SYT1: variants seen among roughly 807,000 people sequenced by gnomAD.
SYT1 encodes synaptotagmin-1.
In SYT1, 8 loss-of-function variants were observed where a neutral mutation model predicts 44.8. The observed-to-expected ratio is 0.18, with a 90% CI of 0.10 to 0.32. The LOEUF (loss-of-function observed/expected upper bound fraction) is 0.32, where lower values mean the gene tolerates loss of function less well. SYT1 is among the 10% of genes least tolerant of loss of function. The pLI is 1.00. For synonymous variants in SYT1, 154 were observed against 188.8 expected (o/e 0.82, Z 1.51); for missense variants, 286 against 509.3 (o/e 0.56, Z 4.22).
intron 1 of SYT1, among the ~76,000 whole-genome samples, chr12:78,914,623 A>G (rs1360169963): frequency 1.3e-5 from 2 of 151,468 alleles, no homozygotes; most frequent in East Asian, 3.9e-4. Context: ...TCATTTACAT[A>G]AGTTTAAATA....
At chr12:79,386,399 C>T (rs922673961) in intron 9 of SYT1, among the ~76,000 whole-genome samples, 2 of 151,174 alleles carry the variant, frequency 1.3e-5, no homozygotes, top group Non-Finnish European at 2.9e-5. Context: ...ATGTGCACAA[C>T]GTGCAGGTTT....
At chr12:79,126,543 G>A (rs1160201537) in intron 3 of SYT1, among the ~76,000 whole-genome samples, 1 of 152,176 alleles carries the variant, frequency 6.6e-6, no homozygotes, top group Non-Finnish European at 1.5e-5. Context: ...ATAGGCGTGA[G>A]CCACCATACC....
At chr12:79,236,701 A>T (rs913883204) in intron 4 of SYT1, among the ~76,000 whole-genome samples, 1 of 152,226 alleles carries the variant, frequency 6.6e-6, no homozygotes, top group African/African-American at 2.4e-5. Flanking sequence ...AGGAGAAAAC[A>T]GTCAACAAAT....
At chr12:78,991,225 A>G (rs775349564) in intron 2 of SYT1, among the ~76,000 whole-genome samples, 10 of 152,130 alleles carry the variant, frequency 6.6e-5, no homozygotes, top group Non-Finnish European at 1.0e-4. Context: ...ACATTAAAAG[A>G]ACCCCTGAGA....
At chr12:79,123,986 A>G (rs1868329678) in intron 3 of SYT1, among the ~76,000 whole-genome samples, 1 of 152,206 alleles carries the variant, frequency 6.6e-6, no homozygotes, top group Admixed American at 6.5e-5. Flanking sequence ...GTTTTTGGCT[A>G]ACATTTATCA....
rs533746246 is a variant in SYT1, at chr12:78,980,507, A to AAGATTGT, written c.-84+2578_-84+2584dup. On this transcript the variant is annotated intron_variant, in intron 2 of 10. Transcript: ENST00000261205. ...ATTCTTTTGTTTTCAGCTAGTTTTGAAGATTGTATTTAGATTATGGACAGA... is the reference window on the plus strand; with the variant it reads ...ATTCTTTTGTTTTCAGCTAGTTTTGAAGATTGTAGATTGTATTTAGATTATGGACAGA... Among the ~76,000 whole-genome samples the AAGATTGT allele has an allele frequency of 1.1e-3, 163 of 152,256 alleles. 1 individual carries two copies. Among genetic ancestry groups the AAGATTGT allele is most frequent in the African/African-American group, 3.8e-3 (156 of 41,560 alleles).
chr12:79,216,349 C>A (rs1222921386), intron 3 of SYT1, among the ~76,000 whole-genome samples: 1 of 152,202 alleles, frequency 6.6e-6, no homozygotes, highest in Non-Finnish European at 1.5e-5. Context: ...CCTGTCCAGG[C>A]CTCTTTACTT....
chr12:79,330,803 G>A lies in SYT1; in HGVS notation c.811-22699G>A, dbSNP rs541606616. Among the ~76,000 whole-genome samples, 3 of 152,204 alleles carry A rather than the reference G, an allele frequency of 2.0e-5. No homozygotes were observed. The South Asian group carries it at 6.2e-4, about 32-fold the overall frequency. ...ATTATCATTTGGATTTTCCTGATGA[G>A]GACATGAAGGTCCATAAGGTTTAAG... is the stretch of plus-strand genomic sequence containing the variant. On this transcript the variant is annotated intron_variant, in intron 8 of 10. Transcript: ENST00000261205.
chr12:79,308,935 A>AGAT (rs1880621374), intron 8 of SYT1, among the ~76,000 whole-genome samples: 1 of 152,266 alleles, frequency 6.6e-6, no homozygotes, highest in East Asian at 1.9e-4. Context: ...ATCACTTGGG[A>AGAT]GATTCCAAAA....
chr12:79,247,952 C>T (rs1186423730), intron 4 of SYT1, among the ~76,000 whole-genome samples: 17 of 152,074 alleles, frequency 1.1e-4, no homozygotes, highest in Non-Finnish European at 8.8e-5. Flanking sequence ...TCTTGAATTA[C>T]GTGTTCAGAA....
At chr12:78,903,528 G>T (rs565716881) in intron 1 of SYT1, among the ~76,000 whole-genome samples, 1 of 151,874 alleles carries the variant, frequency 6.6e-6, no homozygotes, top group Admixed American at 6.6e-5. Context: ...TTCGTGATCT[G>T]CCCGCCTCGG....
chr12:78,984,212 G>C (rs1377136560), intron 2 of SYT1, among the ~76,000 whole-genome samples: 2 of 151,414 alleles, frequency 1.3e-5, no homozygotes, highest in Admixed American at 6.6e-5. Context: ...AACAATTACA[G>C]CCCTTACATA....
rs148107526 is a variant in SYT1 at position 79,445,163 on chromosome 12, A to G, written c.1062+957A>G. Among the ~76,000 whole-genome samples the G allele has an allele frequency of 1.6e-3, 241 of 152,186 alleles. 1 individual carries two copies. The highest frequency in any genetic ancestry group is 3.0e-3 in the Non-Finnish European group (205 of 67,948). On this transcript the variant is annotated intron_variant, in intron 10 of 10. Transcript: ENST00000261205. ...CCAGAATAACAAATACTCTTTATTT[A>G]TTTTATTTTATTTATTTTAATTGCC... is the stretch of plus-strand genomic sequence containing the variant.
intron 2 of SYT1, among the ~76,000 whole-genome samples, chr12:79,001,260 T>TA (rs11315867): frequency 0.025 from 3,618 of 145,036 alleles, 52 homozygotes; most frequent in Middle Eastern, 0.032. Context: ...TCATTTCTTT[T>TA]AAAAAAAAAA....
intron 1 of SYT1, among the ~76,000 whole-genome samples, chr12:78,894,080 T>C (rs936530016): frequency 2.6e-5 from 4 of 151,362 alleles, no homozygotes. Context: ...TCTTTTTTTT[T>C]CCAAAAAGAT....
chr12:79,006,392 G>A (rs540951915), intron 2 of SYT1, among the ~76,000 whole-genome samples: 1 of 152,214 alleles, frequency 6.6e-6, no homozygotes, highest in South Asian at 2.1e-4. Context: ...CCCATAATAT[G>A]TTGTCATTGG....
At chr12:79,043,708 T>C (rs1873771790) in intron 2 of SYT1, among the ~76,000 whole-genome samples, 1 of 152,168 alleles carries the variant, frequency 6.6e-6, no homozygotes, top group Non-Finnish European at 1.5e-5. Flanking sequence ...GTCGATGCAG[T>C]TTCTTCCTAG....
At chr12:79,364,130 C>T (rs142765237) in intron 9 of SYT1, among the ~76,000 whole-genome samples, 9 of 152,154 alleles carry the variant, frequency 5.9e-5, no homozygotes, top group East Asian at 1.9e-4. Context: ...ATAGAAATAT[C>T]GGCTCATAAA....
At chr12:79,006,088 C>T (rs1395126899) in intron 2 of SYT1, among the ~76,000 whole-genome samples, 2 of 152,146 alleles carry the variant, frequency 1.3e-5, no homozygotes, top group Non-Finnish European at 2.9e-5. Flanking sequence ...TTTAGAGAGG[C>T]TTCTCATTCA....
Sources: gnomAD v4.1 joint callset for allele counts (sites outside exome capture counted in the v4.1 genomes callset) on GRCh38, gnomAD v4.1.1 for gene constraint, MANE v1.5 for transcripts, NCBI Gene and HGNC (gene_info 2026-07-23, HGNC 2026-07-21) for gene names.